Variants in NAALADL2 observed in about 807,000 individuals in gnomAD.
NAALADL2 encodes N-acetylated alpha-linked acidic dipeptidase like 2, also known as inactive N-acetylated-alpha-linked acidic dipeptidase-like protein 2.
In NAALADL2, 76 loss-of-function variants were observed where a neutral mutation model predicts 87.2. The ratio of observed to expected loss-of-function variants is 0.87; its 90% CI spans 0.72 to 1.05. The LOEUF (loss-of-function observed/expected upper bound fraction) is 1.05, where lower values mean the gene tolerates loss of function less well. NAALADL2 is among the 50% of genes least tolerant of loss of function. The pLI is 0.00. For missense variants in NAALADL2, 1,089 were observed against 945.8 expected (o/e 1.15, Z -1.99); for synonymous variants, 354 against 331.0 (o/e 1.07, Z -0.75).
chr3:175,634,167 A>G (rs1728188670), intron 11 of NAALADL2, among the ~76,000 whole-genome samples: 1 of 151,932 alleles, frequency 6.6e-6, no homozygotes, highest in African/African-American at 2.4e-5. Flanking sequence ...AAAAATTTTA[A>G]TAATTTTAAT....
At chr3:175,783,853 T>C in intron 13 of NAALADL2, among the ~76,000 whole-genome samples, 1 of 146,842 alleles carries the variant, frequency 6.8e-6, no homozygotes, top group Non-Finnish European at 1.5e-5. Flanking sequence ...CATAGATAGC[T>C]CTTATTATTT....
chr3:175,474,941 G>T (rs952641106), intron 9 of NAALADL2, among the ~76,000 whole-genome samples: 1 of 151,754 alleles, frequency 6.6e-6, no homozygotes, highest in African/African-American at 2.4e-5. Context: ...AAAGAACATG[G>T]TGAACTTACT....
intron 5 of NAALADL2, among the ~76,000 whole-genome samples, chr3:175,444,757 T>C (rs1946192008): frequency 6.6e-6 from 1 of 152,198 alleles, no homozygotes; most frequent in African/African-American, 2.4e-5. Flanking sequence ...GTGGTCCGAA[T>C]GCACTGTTAT....
At chr3:175,314,524 T>C (rs1332551524) in intron 4 of NAALADL2, among the ~76,000 whole-genome samples, 1 of 138,716 alleles carries the variant, frequency 7.2e-6, no homozygotes, top group Non-Finnish European at 1.5e-5. Context: ...GTCTCAAATT[T>C]CAAGAGCAAG....
intron 3 of NAALADL2, among the ~76,000 whole-genome samples, chr3:174,780,590 C>A (rs1715841798): frequency 6.6e-6 from 1 of 152,038 alleles, no homozygotes; most frequent in Non-Finnish European, 1.5e-5. Flanking sequence ...CCAGCTTTTG[C>A]CCATTCAGTA....
chr3:174,830,543 G>A (rs1186251454), intron 3 of NAALADL2, among the ~76,000 whole-genome samples: 2 of 151,092 alleles, frequency 1.3e-5, no homozygotes, highest in Non-Finnish European at 3.0e-5. Flanking sequence ...AAGTCAGGTA[G>A]TGTGATGCCT....
intron 4 of NAALADL2, among the ~76,000 whole-genome samples, chr3:175,317,234 AG>A (rs202034889): frequency 0.013 from 2,001 of 152,228 alleles, 44 homozygotes; most frequent in African/African-American, 0.046. Context: ...CTTTTGACTT[AG>A]CTCTAAAACA....
intron 1 of NAALADL2, among the ~76,000 whole-genome samples, chr3:175,056,227 T>C (rs1321431527): frequency 1.3e-5 from 2 of 152,202 alleles, no homozygotes; most frequent in Admixed American, 1.3e-4. Context: ...TTTGCCACTT[T>C]AGCATTAGCT....
chr3:174,943,588 T>C (rs899970686), intron 1 of NAALADL2, among the ~76,000 whole-genome samples: 3 of 152,170 alleles, frequency 2.0e-5, no homozygotes, highest in Non-Finnish European at 2.9e-5. Flanking sequence ...GGGACCCTAG[T>C]AGTAGTTGTG....
chr3:174,574,598 T>C (rs1325850524), intron 2 of NAALADL2, among the ~76,000 whole-genome samples: 1 of 152,164 alleles, frequency 6.6e-6, no homozygotes, highest in Non-Finnish European at 1.5e-5. Context: ...TATAGTGAAA[T>C]ACTCAAATAT....
intron 1 of NAALADL2, among the ~76,000 whole-genome samples, chr3:174,975,654 GC>G (rs1284519227): frequency 2.2e-4 from 34 of 152,086 alleles, no homozygotes; most frequent in African/African-American, 8.0e-4. Flanking sequence ...TGGGCTAGTT[GC>G]TGTGATTGTA....
chr3:175,006,560 G>T (rs1226721582), intron 1 of NAALADL2, among the ~76,000 whole-genome samples: 1 of 151,732 alleles, frequency 6.6e-6, no homozygotes, highest in South Asian at 2.1e-4. Flanking sequence ...GTTATAGCTG[G>T]TGCAAGTATT....
At chr3:174,735,007 G>A (rs1321471051) in intron 2 of NAALADL2, among the ~76,000 whole-genome samples, 4 of 152,044 alleles carry the variant, frequency 2.6e-5, no homozygotes, top group Admixed American at 1.3e-4. Context: ...AGTTAATCTC[G>A]ATAGAAGGAA....
At chr3:174,938,474 T>C (rs1175576302) in intron 1 of NAALADL2, among the ~76,000 whole-genome samples, 2 of 152,132 alleles carry the variant, frequency 1.3e-5, no homozygotes, top group African/African-American at 4.8e-5. Context: ...TGACTAGTGC[T>C]GCAATGAACA....
chr3:175,474,366 A>T (rs1161962815), intron 9 of NAALADL2, among the ~76,000 whole-genome samples: 2 of 152,212 alleles, frequency 1.3e-5, no homozygotes, highest in Admixed American at 1.3e-4. Flanking sequence ...AATGGATTAC[A>T]AGCTTGATAT....
chr3:174,457,785 TG>T (rs1390299366), intron 1 of NAALADL2, among the ~76,000 whole-genome samples: 1 of 151,728 alleles, frequency 6.6e-6, no homozygotes, highest in Non-Finnish European at 1.5e-5. Context: ...CACTTCAGCC[TG>T]GGTGACAGGG....
chr3:174,531,919 A>G (rs1721271793), intron 1 of NAALADL2, among the ~76,000 whole-genome samples: 4 of 152,198 alleles, frequency 2.6e-5, no homozygotes, highest in Admixed American at 2.6e-4. Flanking sequence ...TTGTCTGTAG[A>G]AATACATTTC....
chr3:175,170,330 G>T (rs1734611928), intron 2 of NAALADL2, among the ~76,000 whole-genome samples: 2 of 150,436 alleles, frequency 1.3e-5, no homozygotes, highest in South Asian at 4.2e-4. Flanking sequence ...TATATGTATA[G>T]ACATATATGA....
Position 175,711,224 on chromosome 3 carries a change from A to T in NAALADL2, c.1897-26082A>T, listed in dbSNP as rs186261268. Among the ~76,000 whole-genome samples, 318 of 151,994 alleles carry T rather than the reference A, an allele frequency of 2.1e-3. 3 individuals are homozygous for T. The highest frequency in any genetic ancestry group is 7.4e-3 in the African/African-American group (309 of 41,544). ...TAATTAAGGGTGCTTGAAATTCTATATGGCTTTCTTTGAATAATAAGCATC... is the reference window on the plus strand; with the variant it reads ...TAATTAAGGGTGCTTGAAATTCTATTTGGCTTTCTTTGAATAATAAGCATC... On this transcript the variant is annotated intron_variant, in intron 11 of 13. Transcript: ENST00000454872.
Sources: allele counts gnomAD v4.1 joint callset (sites outside exome capture counted in the v4.1 genomes callset), GRCh38; gene constraint gnomAD v4.1.1; transcripts MANE v1.5; gene names NCBI Gene and HGNC (gene_info 2026-07-23, HGNC 2026-07-21).